The following SATB2 variants were observed in gnomAD, a reference collection of about 807,000 sequenced individuals.
SATB2 encodes the protein DNA-binding protein SATB2.
Under a neutral mutation model 73.4 loss-of-function variants are expected in SATB2, and 1 was observed. That is an observed-to-expected ratio of 0.01 (90% CI 0.00 to 0.06). SATB2 has a LOEUF of 0.06. Ranked by LOEUF, SATB2 falls within the 10% of genes least tolerant of loss-of-function variation. The pLI is 1.00. For missense variants in SATB2, 459 were observed against 945.8 expected (o/e 0.49, Z 6.75); for synonymous variants, 397 against 367.0 (o/e 1.08, Z -0.93).
chr2:199,292,094 G>A (rs899754976), intron 10 of SATB2, among the ~76,000 whole-genome samples: 2 of 152,040 alleles, frequency 1.3e-5, no homozygotes, highest in Admixed American at 1.3e-4. Context: ...ACACTTCATA[G>A]GGCAGAAAGA....
chr2:199,325,032 C>T (rs1485173078), intron 8 of SATB2, among the ~76,000 whole-genome samples: 1 of 152,142 alleles, frequency 6.6e-6, no homozygotes, highest in Non-Finnish European at 1.5e-5. Flanking sequence ...AAAGATGTAA[C>T]AGGCAGTGTG....
At position 199,464,045 on chromosome 2, in the gene SATB2, G is replaced by T. The variant is rs535089713; in HGVS notation, c.-141+791C>A. On this transcript the variant is annotated intron_variant, in intron 1 of 11. Transcript: ENST00000260926. The surrounding 1 kb of genome is among the most constrained non-coding windows in gnomAD (Gnocchi z 6.6). ...ACACCTACTGGAGCCAGGGACGAGG[G>T]GGGCAGTGTATCCGGCGGCCCAAAC... is the stretch of plus-strand genomic sequence containing the variant. Among the ~76,000 whole-genome samples the T allele has an allele frequency of 6.6e-6, 1 of 152,316 alleles. No individual in the cohort carries two copies. The highest frequency in any genetic ancestry group is 2.1e-4 in the South Asian group (1 of 4,816).
chr2:199,454,008 T>C (rs978607994), intron 2 of SATB2, among the ~76,000 whole-genome samples: 8 of 152,222 alleles, frequency 5.3e-5, no homozygotes, highest in South Asian at 2.1e-4. Flanking sequence ...GAAACAAATC[T>C]ATTATTCTTC....
chr2:199,429,207 T>G (rs1032802682), intron 3 of SATB2, among the ~76,000 whole-genome samples: 1 of 152,142 alleles, frequency 6.6e-6, no homozygotes, highest in Non-Finnish European at 1.5e-5. Flanking sequence ...TTATCAAAAT[T>G]GGGGAATAAG....
upstream of SATB2, chr2:199,458,662 G>A (rs1458537611): frequency 1.1e-5 from 5 of 442,324 alleles, no homozygotes. Context: ...AGACCGACGC[G>A]CAAGAGGCGA....
intron 6 of SATB2, among the ~76,000 whole-genome samples, chr2:199,351,703 C>T (rs1039655688): frequency 1.7e-4 from 26 of 152,134 alleles, no homozygotes; most frequent in Admixed American, 5.9e-4. Flanking sequence ...TGAACTGATT[C>T]CACAGTAAAA....
rs555268633 is a variant in SATB2 at position 199,328,925 on chromosome 2, G to GA, written c.1174-16dup. On this transcript the variant is annotated splice_polypyrimidine_tract_variant and intron_variant, in intron 7 of 10. Transcript: ENST00000417098. ...GACAACAATCCCTGATTAAATGGGG[G>GA]AAAAAAACAGACCAAGTCACATTTG... 3.8e-6 allele frequency: 6 copies of GA among 1,591,818 alleles called. No individual in the cohort carries two copies. Among genetic ancestry groups the GA allele is most frequent in the Admixed American group, 3.3e-5 (2 of 59,880 alleles).
intron 3 of SATB2, among the ~76,000 whole-genome samples, chr2:199,386,753 CACACACACACACA>C (rs1305303083): frequency 2.9e-4 from 40 of 136,198 alleles, no homozygotes; most frequent in Non-Finnish European, 4.4e-4. Context: ...CACACACACA[CACACACACACACA>C]CCTTTGAGTT....
At chr2:199,460,887 T>C (rs1318204226), upstream of SATB2, among the ~76,000 whole-genome samples, 3 of 152,256 alleles carry the variant, frequency 2.0e-5, no homozygotes, top group Non-Finnish European at 2.9e-5. This position sits in a 1 kb window ranked among gnomAD's most constrained non-coding sequence, Gnocchi z 4.0. Flanking sequence ...AAATGAAATA[T>C]ACAATTAAGT....
rs546899763 is a variant in SATB2 at position 199,408,343 on chromosome 2, G to T, written c.346+24995C>A. Among the ~76,000 whole-genome samples, 11 of 152,148 alleles carry T rather than the reference G, an allele frequency of 7.2e-5. No homozygotes were observed. In the South Asian group the frequency reaches 1.9e-3, roughly 26 times the overall value. On this transcript the variant is annotated intron_variant, in intron 3 of 10. Transcript: ENST00000417098. The stretch of plus-strand genomic sequence containing the variant: ...TTATATATGTATACACATAATTTTT[G>T]ACCTTGCATAAATTTATGTGAAATA...
intron 3 of SATB2, among the ~76,000 whole-genome samples, chr2:199,412,399 C>T (rs1690847465): frequency 6.6e-6 from 1 of 152,078 alleles, no homozygotes; most frequent in Non-Finnish European, 1.5e-5. Flanking sequence ...AGCATAACCC[C>T]AAATAAAGCT....
intron 6 of SATB2, among the ~76,000 whole-genome samples, chr2:199,354,893 A>G (rs1344688152): frequency 2.0e-5 from 3 of 152,132 alleles, no homozygotes; most frequent in Non-Finnish European, 2.9e-5. Flanking sequence ...CACAGCGACA[A>G]TGCTCTAACC....
intron 3 of SATB2, among the ~76,000 whole-genome samples, chr2:199,426,091 T>A (rs1483002809): frequency 6.6e-6 from 1 of 152,150 alleles, no homozygotes; most frequent in Non-Finnish European, 1.5e-5. Context: ...AGCGTGTCTG[T>A]TAAAAGTTAG....
intron 2 of SATB2, among the ~76,000 whole-genome samples, chr2:199,442,395 A>G (rs1691844931): frequency 6.6e-6 from 1 of 152,188 alleles, no homozygotes; most frequent in Non-Finnish European, 1.5e-5. Flanking sequence ...CGGGCATCGC[A>G]TGGATGGGTG....
In SATB2 at chr2:199,270,323, C is replaced by A. The variant is rs1692115262; in HGVS notation, c.*1888G>T. The A allele has an allele frequency of 6.6e-6, 1 of 151,136 alleles. No homozygotes were observed. 9.4% of individuals were successfully genotyped at this position (151,136 alleles called of 1,614,324 possible). On this transcript the variant is annotated 3_prime_UTR_variant, in exon 11 of 11. Transcript: ENST00000417098. Reference sequence around the variant, plus strand: ...GCTTGTATTGCAACATGTCTTCTCCCTGTATATTGTAAGTTCTGAGTTAAT... The same window carrying A: ...GCTTGTATTGCAACATGTCTTCTCCATGTATATTGTAAGTTCTGAGTTAAT...
intron 2 of SATB2, among the ~76,000 whole-genome samples, chr2:199,447,544 C>G (rs1352980870): frequency 6.6e-6 from 1 of 152,192 alleles, no homozygotes; most frequent in African/African-American, 2.4e-5. Context: ...GAGGAACATT[C>G]ATTACTTCTG....
At chr2:199,374,915 G>T in intron 5 of SATB2, among the ~76,000 whole-genome samples, 1 of 150,630 alleles carries the variant, frequency 6.6e-6, no homozygotes, top group Admixed American at 6.6e-5. Flanking sequence ...AGTGAGCTGA[G>T]ATCATGCCAC....
intron 8 of SATB2, among the ~76,000 whole-genome samples, chr2:199,328,116 A>T (rs1375960034): frequency 6.6e-6 from 1 of 151,858 alleles, no homozygotes; most frequent in East Asian, 1.9e-4. Context: ...CCCTGTGCCC[A>T]CTCCTACCTT....
chr2:199,351,310 C>A (rs1044338608), intron 6 of SATB2, among the ~76,000 whole-genome samples: 15 of 151,870 alleles, frequency 9.9e-5, no homozygotes, highest in Admixed American at 4.6e-4. Flanking sequence ...TACTGGCATG[C>A]ACCACCATGC....
Sources: gnomAD v4.1 joint callset for allele counts (sites outside exome capture counted in the v4.1 genomes callset) on GRCh38, gnomAD v4.1.1 for gene constraint, Gnocchi (gnomAD v3.1) non-coding constraint, MANE v1.5 for transcripts, NCBI Gene and HGNC (gene_info 2026-07-23, HGNC 2026-07-21) for gene names.